PASK: variants seen among roughly 807,000 people sequenced by gnomAD.
PASK encodes PAS domain containing serine/threonine kinase, also known as PAS domain-containing serine/threonine-protein kinase.
PASK carries 110 observed loss-of-function variants against 121.0 expected under a neutral mutation model. The ratio of observed to expected loss-of-function variants is 0.91; its 90% CI spans 0.78 to 1.06. PASK has a LOEUF of 1.06. PASK is among the 50% of genes least tolerant of loss of function. The pLI is 0.00. For missense variants in PASK, 1,643 were observed against 1,702.3 expected (o/e 0.97, Z 0.61); for synonymous variants, 686 against 717.8 (o/e 0.96, Z 0.71).
Position 241,133,028 on chromosome 2 carries a change from G to C in PASK, c.1309C>G (p.Pro437Ala). ...GQDPAEGGQD[P>A]RINVVLAGGH... ...CCAGCAAGCACGACATTAATCCTTG[G>C]ATCTGGCAGCAACACCAAAAAAGAG... The change falls in exon 9 of 18, where the codon CCA becomes GCA. Residue 437 changes from proline (P) to alanine (A), a missense_variant and splice_region_variant. By Grantham distance (27) the Pro-to-Ala change is conservative. Around this residue, in one of 3 missense-constraint regions of PASK, gnomAD observed 1,176 missense variants for 1,162.2 expected, o/e 1.01. Transcript: ENST00000234040. The C allele has an allele frequency of 1.2e-6, 2 of 1,614,036 alleles. No individual in the cohort carries two copies. The highest frequency in any genetic ancestry group is 1.7e-6 in the Non-Finnish European group (2 of 1,179,958).
At position 241,142,831 on chromosome 2, in the gene PASK, C is replaced by A. The variant is rs765335298; in HGVS notation, c.196+6G>T. On this transcript the variant is annotated splice_donor_region_variant and intron_variant, in intron 2 of 17. Coordinates refer to ENST00000234040, the MANE Select transcript of PASK (RefSeq NM_015148.4). ...GCTAAGGCCTGCAGTGGTCGAAGGTCATTACCAGAGAGCGCTGTCCTGCTC... is the reference window on the plus strand; with the variant it reads ...GCTAAGGCCTGCAGTGGTCGAAGGTAATTACCAGAGAGCGCTGTCCTGCTC... 1.4e-5 allele frequency: 22 copies of A among 1,605,448 alleles called. No homozygotes were observed. Among genetic ancestry groups the A allele is most frequent in the Middle Eastern group, 1.9e-4 (1 of 5,286 alleles).
chr2:241,112,103 T>A lies in PASK; in HGVS notation c.3533+137A>T. On this transcript the variant is annotated intron_variant, in intron 15 of 17. Coordinates refer to ENST00000234040, the MANE Select transcript of PASK (RefSeq NM_015148.4). The surrounding 1 kb of genome is among the most constrained non-coding windows in gnomAD (Gnocchi z 5.2). The stretch of plus-strand genomic sequence containing the variant: ...ACCTTGCCTGCCTGCCCACTTACTT[T>A]CCAGCATATCACCCTGACCACTCAA... The A allele has an allele frequency of 1.4e-6, 1 of 739,920 alleles. No individual in the cohort carries two copies. Among genetic ancestry groups the A allele is most frequent in the African/African-American group, 1.7e-5 (1 of 57,898 alleles). 45.8% of individuals were successfully genotyped at this position (739,920 alleles called of 1,614,324 possible).
intron 9 of PASK, among the ~76,000 whole-genome samples, chr2:241,129,105 C>T (rs1377289749): frequency 6.6e-6 from 1 of 152,096 alleles, no homozygotes; most frequent in African/African-American, 2.4e-5. Context: ...GAGACAAACC[C>T]CATGCAAATG....
chr2:241,122,188 C>A (rs1362542044), intron 12 of PASK, among the ~76,000 whole-genome samples: 1 of 151,364 alleles, frequency 6.6e-6, no homozygotes, highest in African/African-American at 2.4e-5. Context: ...ATCTAAGATA[C>A]CACCTTAGGA....
chr2:241,136,318 G>A (rs1473200193), intron 7 of PASK, among the ~76,000 whole-genome samples: 1 of 152,244 alleles, frequency 6.6e-6, no homozygotes, highest in Non-Finnish European at 1.5e-5. Context: ...TCTGGCCTTT[G>A]GCCCCATGTT....
At position 241,112,491 on chromosome 2, in the gene PASK, T is replaced by A; in HGVS notation, c.3334-52A>T. The A allele has an allele frequency of 8.5e-7, 1 of 1,175,226 alleles. No individual in the cohort carries two copies. 72.8% of individuals were successfully genotyped at this position (1,175,226 alleles called of 1,614,324 possible). The stretch of plus-strand genomic sequence containing the variant: ...TTTTAAAAAAGCAATTCAACTAAAA[T>A]ATGCATTTAAAATAAACTGGAACAA... On this transcript the variant is annotated intron_variant, in intron 14 of 17. Coordinates refer to ENST00000234040, the MANE Select transcript of PASK (RefSeq NM_015148.4). The surrounding 1 kb of genome is among the most constrained non-coding windows in gnomAD (Gnocchi z 5.2).
intron 10 of PASK, among the ~76,000 whole-genome samples, chr2:241,124,440 T>C (rs1393919407): frequency 6.6e-6 from 1 of 152,212 alleles, no homozygotes; most frequent in Non-Finnish European, 1.5e-5. Flanking sequence ...GAGAGGCCTG[T>C]AGCGGAGGGT....
chr2:241,140,687 T>C lies in PASK; in HGVS notation c.263A>G (p.His88Arg), dbSNP rs1266251495. 1.2e-6 allele frequency: 2 copies of C among 1,614,158 alleles called. No individual in the cohort carries two copies. The highest frequency in any genetic ancestry group is 1.1e-5 in the South Asian group (1 of 91,080). The change falls in exon 3 of 18, where the codon CAC becomes CGC. Residue 88 changes from histidine to arginine, a missense_variant. By Grantham distance (29) the His-to-Arg change is conservative. Transcript: ENST00000234040. ...AAQNICTSKL[H>R]CPAAPEHTDP... ...CGTGTGCTCAGGGGCAGCAGGGCAG[T>C]GCAGTTTACTTGTACAAATATTCTG...
Position 241,142,882 on chromosome 2 carries a change from T to G in PASK, c.151A>C (p.Arg51=), listed in dbSNP as rs1161840406. The change falls in exon 2 of 18, where the codon AGG becomes CGG. Residue 51 remains arginine (R), a synonymous_variant. Coordinates refer to ENST00000234040, the MANE Select transcript of PASK (RefSeq NM_015148.4). ...FSSAHRHLSR[R]NGLSRLCQSR... The stretch of plus-strand genomic sequence containing the variant: ...TGGCAGAGTCTGGAAAGCCCATTCC[T>G]TCTGCTCAGGTGTCTGTGGGCTGAG... 1 of 1,613,986 alleles carries G rather than the reference T, an allele frequency of 6.2e-7. No individual in the cohort carries two copies. The highest frequency in any genetic ancestry group is 8.5e-7 in the Non-Finnish European group (1 of 1,179,990).
intron 2 of PASK, 50 bp downstream of exon 2, chr2:241,142,787 C>T: frequency 7.5e-7 from 1 of 1,340,074 alleles, no homozygotes; most frequent in Non-Finnish European, 1.1e-6. Context: ...AGAGCAACTC[C>T]ACATTTGTAT....
At chr2:241,149,972 G>A, upstream of PASK, 2 of 1,422,054 alleles carry the variant, frequency 1.4e-6, no homozygotes, top group South Asian at 3.0e-5. Context: ...TAAAATCCGC[G>A]CGGGGACGCC....
chr2:241,149,287 G>C (rs938934699), intron 1 of PASK, 127 bp downstream of exon 1: 3 of 175,860 alleles, frequency 1.7e-5, no homozygotes, highest in African/African-American at 7.1e-5. Flanking sequence ...GGAGACCCGG[G>C]GTCGGGCTGG....
intron 1 of PASK, among the ~76,000 whole-genome samples, chr2:241,143,641 G>T (rs111255850): frequency 1.8e-4 from 28 of 152,220 alleles, no homozygotes; most frequent in African/African-American, 6.0e-4. Context: ...GGAAAACAAA[G>T]AACAGGGTGG....
intron 12 of PASK, among the ~76,000 whole-genome samples, chr2:241,117,338 T>C (rs1449206855): frequency 1.3e-5 from 2 of 151,912 alleles, no homozygotes; most frequent in Admixed American, 6.6e-5. Context: ...CAGGCTGTGG[T>C]CCTGAGGAGC....
At chr2:241,137,408 C>G (rs921493413) in intron 6 of PASK, 144 bp from the exon 7 acceptor site, 2 of 749,106 alleles carry the variant, frequency 2.7e-6, no homozygotes, top group African/African-American at 3.4e-5. Flanking sequence ...TCTGCCTTCC[C>G]TCTCCTCCCA....
rs570276350 is a variant in PASK at position 241,140,638 on chromosome 2, A to C, written c.312T>G (p.Ser104Arg). The C allele has an allele frequency of 1.2e-6, 2 of 1,613,918 alleles. No individual in the cohort carries two copies. The highest frequency in any genetic ancestry group is 8.5e-7 in the Non-Finnish European group (1 of 1,179,778). ...EHTDPSEPRGSVSCCSLLRGL... is the reference protein window; with the variant it reads ...EHTDPSEPRGRVSCCSLLRGL... ...CCCGCAGCAGGGAGCAGCAGGACAC[A>C]CTGCCCCGCGGTTCGGACGGGTCCG... The change falls in exon 3 of 18, where the codon AGT becomes AGG. Residue 104 changes from serine to arginine, a missense_variant. Ser to Arg is a moderately radical substitution (Grantham distance 110, BLOSUM62 -1). Transcript: ENST00000234040.
chr2:241,115,791 C>CAT (rs2065321045), intron 12 of PASK, among the ~76,000 whole-genome samples: 1 of 149,474 alleles, frequency 6.7e-6, no homozygotes, highest in African/African-American at 2.5e-5. Context: ...CCAGGGCCAC[C>CAT]CGGTCCCCAA....
At chr2:241,123,543 C>T (rs576460093) in intron 11 of PASK, among the ~76,000 whole-genome samples, 4 of 152,118 alleles carry the variant, frequency 2.6e-5, no homozygotes, top group African/African-American at 7.2e-5. Flanking sequence ...GAGGGCCAGG[C>T]GCAATGGCTC....
At chr2:241,120,795 C>T (rs576269962) in intron 12 of PASK, among the ~76,000 whole-genome samples, 202 of 152,290 alleles carry the variant, frequency 1.3e-3, no homozygotes, top group African/African-American at 4.5e-3. Flanking sequence ...CACAGAGTTA[C>T]GACATGACCC....
Sources: gnomAD v4.1 joint callset for allele counts (sites outside exome capture counted in the v4.1 genomes callset) on GRCh38, gnomAD v4.1.1 for gene constraint, gnomAD v4.1.1 regional missense constraint, Gnocchi (gnomAD v3.1) non-coding constraint, MANE v1.5 for transcripts, NCBI Gene and HGNC (gene_info 2026-07-23, HGNC 2026-07-21) for gene names.